The following INSR variants were observed in gnomAD, a reference collection of about 807,000 sequenced individuals.
The protein encoded by INSR is IR.
A neutral mutation model predicts 142.6 loss-of-function variants in INSR; 67 were observed. That is an observed-to-expected ratio of 0.47 (90% CI 0.39 to 0.58). The LOEUF is 0.58. Ranked by LOEUF, INSR falls within the 20% of genes least tolerant of loss-of-function variation. The pLI, the probability that INSR is intolerant of heterozygous loss-of-function variation, is 0.00. For missense variants in INSR, 1,248 were observed against 1,833.2 expected, an observed-to-expected ratio of 0.68 and a Z score of 5.83; for synonymous variants, 756 against 743.1, an observed-to-expected ratio of 1.02 and a Z score of -0.28.
chr19:7,288,658 GAAAAAAAA>G (rs57281993), intron 1 of INSR, among the ~76,000 whole-genome samples: 4 of 97,122 alleles, frequency 4.1e-5, no homozygotes, highest in African/African-American at 6.8e-5. Context: ...ATAAAAATTG[GAAAAAAAA>G]AAAAAAAAAA....
At chr19:7,252,433 A>G (rs1010119615) in intron 2 of INSR, among the ~76,000 whole-genome samples, 7 of 152,090 alleles carry the variant, frequency 4.6e-5, no homozygotes, top group South Asian at 2.1e-4. Context: ...AAAGAAAAGG[A>G]ATCTTGACCA....
At chr19:7,233,639 T>C (rs1976062232) in intron 2 of INSR, among the ~76,000 whole-genome samples, 1 of 149,760 alleles carries the variant, frequency 6.7e-6, no homozygotes, top group Non-Finnish European at 1.5e-5. Context: ...CCAGGAAAGC[T>C]AAACGTCTTT....
intron 2 of INSR, among the ~76,000 whole-genome samples, chr19:7,239,356 GA>G (rs1473900704): frequency 7.6e-6 from 1 of 132,254 alleles, no homozygotes; most frequent in Non-Finnish European, 1.6e-5. Flanking sequence ...ACATGGCTAA[GA>G]AGCATACAGA....
intron 2 of INSR, among the ~76,000 whole-genome samples, chr19:7,235,053 G>GT (rs1233642264): frequency 6.9e-6 from 1 of 145,246 alleles, no homozygotes. Flanking sequence ...GAAAGACTCC[G>GT]TCTCAAAAAA....
chr19:7,128,825 G>T, intron 15 of INSR, 27 bp downstream of exon 15: 2 of 1,487,054 alleles, frequency 1.3e-6, no homozygotes, highest in Admixed American at 1.7e-5. Context: ...ACTGTTCCCA[G>T]CACACCACTG....
Position 7,126,627 on chromosome 19 carries a change from C to T in INSR, c.2970G>A (p.Pro990=), listed in dbSNP as rs41304772. 3.2e-4 allele frequency: 500 copies of T among 1,565,380 alleles called. No homozygotes were observed. The highest frequency in any genetic ancestry group is 1.8e-3 in the African/African-American group (136 of 74,098). ...ACTCAGGGTTTGAAGAAGCGTAAAG[C>T]GGTCCCAGCGGCCCATCTGGCTGCC... ...RKRQPDGPLG[P]LYASSNPEYL... The change falls in exon 16 of 22, where the codon CCG becomes CCA. Residue 990 remains proline, a synonymous_variant. Transcript: ENST00000302850.
At chr19:7,268,260 A>G (rs1568229647) in intron 1 of INSR, among the ~76,000 whole-genome samples, 1 of 151,918 alleles carries the variant, frequency 6.6e-6, no homozygotes, top group African/African-American at 2.4e-5. Context: ...GAAGATCTTC[A>G]GGAGATAATT....
intron 2 of INSR, among the ~76,000 whole-genome samples, chr19:7,185,243 A>C (rs1568471175): frequency 6.6e-6 from 1 of 150,590 alleles, no homozygotes; most frequent in Non-Finnish European, 1.5e-5. Flanking sequence ...ATGAATATCT[A>C]TGTTTAACAA....
At chr19:7,242,283 C>T (rs1051545704) in intron 2 of INSR, among the ~76,000 whole-genome samples, 6 of 152,074 alleles carry the variant, frequency 3.9e-5, no homozygotes, top group Admixed American at 2.6e-4. Flanking sequence ...GCTTGAGGAT[C>T]CCTTTAGCCC....
intron 3 of INSR, among the ~76,000 whole-genome samples, chr19:7,175,887 G>T (rs73920305): frequency 1.3e-5 from 2 of 151,798 alleles, no homozygotes; most frequent in African/African-American, 4.8e-5. Context: ...GAGGGAGGAT[G>T]CCAGATTGTC....
Position 7,267,665 on chromosome 19 carries a change from C to T in INSR, c.332G>A (p.Gly111Glu). 1 of 1,614,056 alleles carries T rather than the reference C, an allele frequency of 6.2e-7. No individual in the cohort carries two copies. The highest frequency in any genetic ancestry group is 1.1e-5 in the South Asian group (1 of 91,078). Residue 111 changes from glycine (G) to glutamate (E), a missense_variant, in exon 2 of 22, where the codon GGA (glycine) becomes GAA (glutamate). Coordinates refer to ENST00000302850, the MANE Select transcript of INSR (RefSeq NM_000208.4). The surrounding 1 kb of genome is among the most constrained non-coding windows in gnomAD (Gnocchi z 6.3). The stretch of plus-strand genomic sequence containing the variant: ...CGCGTAGTTAAAGAACAGTCGTGAT[C>T]CCCGGATGACCGTGAGGTTGGGGAA... ...DLFPNLTVIR[G>E]SRLFFNYALV...
At chr19:7,184,256 C>T in intron 3 of INSR, 60 bp downstream of exon 3, 1 of 1,495,686 alleles carries the variant, frequency 6.7e-7, no homozygotes, top group Non-Finnish European at 9.3e-7. Context: ...GGCATCGTCA[C>T]AACCAACCCC....
intron 2 of INSR, among the ~76,000 whole-genome samples, chr19:7,262,872 A>G (rs1344852821): frequency 6.6e-6 from 1 of 152,192 alleles, no homozygotes; most frequent in Non-Finnish European, 1.5e-5. Flanking sequence ...TGAGTGTTTC[A>G]TGGGGACAGA....
At chr19:7,141,191 G>A (rs1973062049) in intron 13 of INSR, among the ~76,000 whole-genome samples, 1 of 152,042 alleles carries the variant, frequency 6.6e-6, no homozygotes, top group South Asian at 2.1e-4. Flanking sequence ...GAGTAGCTGG[G>A]ATTACAGGCA....
At chr19:7,246,742 A>G (rs1010897960) in intron 2 of INSR, among the ~76,000 whole-genome samples, 2 of 152,172 alleles carry the variant, frequency 1.3e-5, no homozygotes, top group Non-Finnish European at 2.9e-5. Context: ...TACAAGCTCC[A>G]TGATTGAACT....
chr19:7,200,110 A>G (rs931701832), intron 2 of INSR, among the ~76,000 whole-genome samples: 6 of 152,060 alleles, frequency 3.9e-5, no homozygotes, highest in African/African-American at 1.2e-4. Context: ...GAGGAAAGAC[A>G]GGGAACCAAG....
At chr19:7,194,098 G>A (rs1974672543) in intron 2 of INSR, among the ~76,000 whole-genome samples, 2 of 152,296 alleles carry the variant, frequency 1.3e-5, no homozygotes, top group South Asian at 4.1e-4. Flanking sequence ...AGGCATCGGT[G>A]AGAGCTTTTA....
chr19:7,161,838 C>G (rs8106042), intron 9 of INSR, among the ~76,000 whole-genome samples: 42,682 of 151,838 alleles, frequency 0.28, 6,090 homozygotes, highest in Non-Finnish European at 0.28. Flanking sequence ...TGGGAAAAAT[C>G]TGGTTTTGAC....
rs1549616 is a variant in INSR, at chr19:7,132,559, T to C, written c.2683-242A>G. ...GAGCCAGACTTCCTAAGCCAGAAGC[T>C]GAGCATTAAACCCTGATGGTTTCTT... On this transcript the variant is annotated intron_variant, in intron 13 of 21. Coordinates refer to ENST00000302850, the MANE Select transcript of INSR (RefSeq NM_000208.4). Among the ~76,000 whole-genome samples the C allele has an allele frequency of 0.93, 140,654 of 151,942 alleles. 65,116 individuals carry two copies. The highest frequency in any genetic ancestry group is 1 in the East Asian group (5,172 of 5,174).
Sources: allele counts gnomAD v4.1 joint callset (sites outside exome capture counted in the v4.1 genomes callset), GRCh38; gene constraint gnomAD v4.1.1; non-coding constraint Gnocchi (gnomAD v3.1); transcripts MANE v1.5; gene names NCBI Gene and HGNC (gene_info 2026-07-23, HGNC 2026-07-21).